UBE2E3: variants seen among roughly 807,000 people sequenced by gnomAD.
UBE2E3 encodes ubiquitin-conjugating enzyme E2 E3.
In UBE2E3, 5 loss-of-function variants were observed where a neutral mutation model predicts 23.6. The observed-to-expected ratio is 0.21, with a 90% confidence interval of 0.11 to 0.44. The LOEUF (loss-of-function observed/expected upper bound fraction) is 0.44. UBE2E3 is among the 20% of genes least tolerant of loss of function. The pLI, the probability that UBE2E3 is intolerant of heterozygous loss-of-function variation, is 0.99. For synonymous variants in UBE2E3, 78 were observed against 87.5 expected (o/e 0.89, Z 0.60); for missense variants, 81 against 249.8 (o/e 0.32, Z 4.55).
intron 3 of UBE2E3, among the ~76,000 whole-genome samples, chr2:181,024,831 A>AT (rs1256965355): frequency 1.1e-4 from 17 of 151,486 alleles, no homozygotes; most frequent in South Asian, 2.1e-4. Flanking sequence ...TGAAATAAGG[A>AT]TTTTTTTTTA....
intron 3 of UBE2E3, among the ~76,000 whole-genome samples, chr2:181,018,360 CTG>C (rs200158863): frequency 4.2e-5 from 6 of 142,660 alleles, no homozygotes; most frequent in African/African-American, 1.3e-4. Flanking sequence ...ATTTTTATCT[CTG>C]TGTGTGTGTA....
chr2:180,988,507 A>G (rs759263629), intron 3 of UBE2E3, among the ~76,000 whole-genome samples: 8 of 152,178 alleles, frequency 5.3e-5, no homozygotes, highest in Non-Finnish European at 7.4e-5. Flanking sequence ...ATAATAAACA[A>G]TTTTTAGATG....
chr2:181,007,580 A>G (rs955221267), intron 3 of UBE2E3, among the ~76,000 whole-genome samples: 1 of 152,026 alleles, frequency 6.6e-6, no homozygotes, highest in Non-Finnish European at 1.5e-5. Flanking sequence ...TGAGATGGAA[A>G]TTGGAGCTGG....
chr2:181,003,214 T>C (rs1258042392), intron 3 of UBE2E3, among the ~76,000 whole-genome samples: 1 of 152,220 alleles, frequency 6.6e-6, no homozygotes, highest in Non-Finnish European at 1.5e-5. Context: ...TATATTTTCA[T>C]TGGTGTTCTG....
At chr2:180,999,930 G>T (rs1004343912) in intron 3 of UBE2E3, among the ~76,000 whole-genome samples, 2 of 152,136 alleles carry the variant, frequency 1.3e-5, no homozygotes, top group East Asian at 1.9e-4. Flanking sequence ...GTTTATGAAA[G>T]AACATTTTGA....
intron 1 of UBE2E3, 113 bp from the exon 2 acceptor site, chr2:180,981,905 A>G (rs1684306036): frequency 1.3e-6 from 1 of 764,084 alleles, no homozygotes; most frequent in Admixed American, 3.0e-5. Flanking sequence ...AAGTGTGAAC[A>G]CTTTTGAAGC....
intron 3 of UBE2E3, among the ~76,000 whole-genome samples, chr2:181,023,641 T>C (rs1685778220): frequency 6.6e-6 from 1 of 152,132 alleles, no homozygotes; most frequent in East Asian, 1.9e-4. Context: ...CCTCGAAGGA[T>C]TTCTGGGCAT....
chr2:181,000,183 C>T (rs191642900), intron 3 of UBE2E3, among the ~76,000 whole-genome samples: 1 of 152,124 alleles, frequency 6.6e-6, no homozygotes, highest in Admixed American at 6.6e-5. Context: ...GAATAAGACT[C>T]ACTGTATTAT....
chr2:181,006,144 G>GT (rs1263590454), intron 3 of UBE2E3, among the ~76,000 whole-genome samples: 2 of 152,176 alleles, frequency 1.3e-5, no homozygotes, highest in Non-Finnish European at 2.9e-5. Context: ...ACTGGAGAGG[G>GT]TAAGGAGGCA....
chr2:181,043,680 T>C (rs1303054173), intron 3 of UBE2E3, among the ~76,000 whole-genome samples: 1 of 151,828 alleles, frequency 6.6e-6, no homozygotes, highest in African/African-American at 2.4e-5. Context: ...ATAATCACCA[T>C]AGACATAATC....
chr2:181,051,002 A>T (rs564174001), intron 3 of UBE2E3, among the ~76,000 whole-genome samples: 1 of 151,786 alleles, frequency 6.6e-6, no homozygotes, highest in African/African-American at 2.4e-5. Flanking sequence ...ATAAAACTAT[A>T]TATAGTTGAA....
intron 5 of UBE2E3, 34 bp from the exon 6 acceptor site, chr2:181,062,757 A>G: frequency 7.2e-7 from 1 of 1,392,010 alleles, no homozygotes; most frequent in Non-Finnish European, 1.0e-6. Context: ...AAGATACCAC[A>G]AAATAGCTTT....
intron 3 of UBE2E3, among the ~76,000 whole-genome samples, chr2:181,035,537 G>T (rs1686242441): frequency 6.6e-6 from 1 of 152,042 alleles, no homozygotes; most frequent in South Asian, 2.1e-4. Context: ...CATGTAAAAA[G>T]CATGCAATGC....
At chr2:181,029,855 T>G (rs867703643) in intron 3 of UBE2E3, among the ~76,000 whole-genome samples, 39 of 143,028 alleles carry the variant, frequency 2.7e-4, no homozygotes, top group African/African-American at 9.1e-4. Flanking sequence ...TTTTTTTTTT[T>G]GAGACGGAGT....
chr2:181,057,494 C>T (rs1482507594), intron 3 of UBE2E3, among the ~76,000 whole-genome samples, 199 bp from the exon 4 acceptor site: 2 of 151,732 alleles, frequency 1.3e-5, no homozygotes, highest in African/African-American at 2.4e-5. Context: ...TCTTGCATTT[C>T]CTCTGTAAGT....
chr2:181,005,409 C>T (rs1308047701), intron 3 of UBE2E3, among the ~76,000 whole-genome samples: 1 of 152,206 alleles, frequency 6.6e-6, no homozygotes, highest in African/African-American at 2.4e-5. Context: ...GGCCACTGCT[C>T]TATCCCCAGG....
chr2:181,054,903 C>T (rs1292508398), intron 3 of UBE2E3, among the ~76,000 whole-genome samples: 3 of 151,550 alleles, frequency 2.0e-5, no homozygotes, highest in Non-Finnish European at 2.9e-5. Flanking sequence ...AGAGTGAGAA[C>T]GAGGGGCCAG....
chr2:181,001,911 TTAAG>T (rs556115935), intron 3 of UBE2E3, among the ~76,000 whole-genome samples: 8 of 152,214 alleles, frequency 5.3e-5, no homozygotes, highest in Non-Finnish European at 1.0e-4. Context: ...GTCTTTACTA[TTAAG>T]TATTTGTTGA....
intron 3 of UBE2E3, among the ~76,000 whole-genome samples, chr2:180,997,502 G>A (rs1185467738): frequency 6.6e-6 from 1 of 151,832 alleles, no homozygotes; most frequent in Non-Finnish European, 1.5e-5. Flanking sequence ...CTTCATGTAT[G>A]TGATATATAT....
Sources: gnomAD v4.1 joint callset for allele counts (sites outside exome capture counted in the v4.1 genomes callset) on GRCh38, gnomAD v4.1.1 for gene constraint, MANE v1.5 for transcripts, NCBI Gene and HGNC (gene_info 2026-07-23, HGNC 2026-07-21) for gene names.